The following CPN2 variants were observed in gnomAD, a reference collection of about 807,000 sequenced individuals.
The protein encoded by CPN2 is carboxypeptidase N subunit 2, also known as carboxypeptidase N 83 kDa chain.
For missense variants in CPN2, 620 were observed against 671.4 expected (o/e 0.92, Z 0.85); for synonymous variants, 336 against 318.4 (o/e 1.06, Z -0.59).
chr3:194,349,170 G>A (rs1020129970), intron 1 of CPN2, among the ~76,000 whole-genome samples: 3 of 152,152 alleles, frequency 2.0e-5, no homozygotes, highest in Non-Finnish European at 4.4e-5. Context: ...AGACCAGCCT[G>A]GCCAACATGA....
Position 194,342,183 on chromosome 3 carries a change from G to A in CPN2, c.520C>T (p.Leu174Phe). Reference sequence around the variant, plus strand: ...GCCAGGAGGTTCTGGGCCAGGTTGAGTGTCTTCAGATGGGTCAGAGGCTGG... The same window carrying A: ...GCCAGGAGGTTCTGGGCCAGGTTGAATGTCTTCAGATGGGTCAGAGGCTGG... ...LFQPLTHLKT[L>F]NLAQNLLAQL... Residue 174 changes from leucine (L) to phenylalanine (F), a missense_variant, in exon 2 of 2, where the codon CTC (leucine) becomes TTC (phenylalanine). Coordinates refer to ENST00000323830, the MANE Select transcript of CPN2 (RefSeq NM_001080513.4). The A allele has an allele frequency of 1.9e-6, 3 of 1,614,116 alleles. No homozygotes were observed. The highest frequency in any genetic ancestry group is 2.5e-6 in the Non-Finnish European group (3 of 1,179,984).
intron 1 of CPN2, among the ~76,000 whole-genome samples, chr3:194,344,449 C>A (rs1225144558): frequency 6.6e-6 from 1 of 152,226 alleles, no homozygotes; most frequent in Non-Finnish European, 1.5e-5. Flanking sequence ...GTAATCCCAG[C>A]ACTTTGAAAG....
chr3:194,343,154 C>T (rs1164589370), intron 1 of CPN2, among the ~76,000 whole-genome samples: 1 of 152,124 alleles, frequency 6.6e-6, no homozygotes, highest in Middle Eastern at 3.2e-3. Flanking sequence ...TGCTGAAATG[C>T]CCTCCTCCTG....
chr3:194,342,908 G>T (rs1712916151), intron 1 of CPN2, among the ~76,000 whole-genome samples: 2 of 152,146 alleles, frequency 1.3e-5, no homozygotes, highest in South Asian at 2.1e-4. Flanking sequence ...GAGACAAAAA[G>T]GCATGGAAGA....
Position 194,341,544 on chromosome 3 carries a change from G to T in CPN2, c.1159C>A (p.Leu387Met), listed in dbSNP as rs1383112823. The T allele has an allele frequency of 6.2e-7, 1 of 1,614,176 alleles. No homozygotes were observed. The highest frequency in any genetic ancestry group is 1.3e-5 in the African/African-American group (1 of 75,042). ...TTACCGTGCAGGGCCAGGTTGAACA[G>T]GTTGTAGTTGGTGTCGAAGATGCCC... ...PEGIFDTNYNLFNLALHGNPW... is the reference protein window; with the variant it reads ...PEGIFDTNYNMFNLALHGNPW... Residue 387 changes from leucine (L) to methionine (M), a missense_variant, in exon 2 of 2, where the codon CTG becomes ATG. Transcript: ENST00000323830.
intron 1 of CPN2, among the ~76,000 whole-genome samples, chr3:194,347,441 C>T (rs1032051590): frequency 2.0e-5 from 3 of 152,144 alleles, no homozygotes; most frequent in African/African-American, 4.8e-5. Context: ...GCCTCACCAA[C>T]GGGCCTGGAT....
At position 194,342,066 on chromosome 3, in the gene CPN2, A is replaced by G; in HGVS notation, c.637T>C (p.Phe213Leu). The part of the protein sequence containing the change: ...NALSGLPQGV[F>L]GKLGSLQELF... ...TCCTGCAGGCTGCCCAGTTTGCCAA[A>G]CACACCCTGGGGGAGACCAGAGAGC... The change falls in exon 2 of 2, where the codon TTT becomes CTT. Residue 213 changes from phenylalanine to leucine, a missense_variant. Transcript: ENST00000323830. 1 of 1,614,144 alleles carries G rather than the reference A, an allele frequency of 6.2e-7. No individual in the cohort carries two copies. Among genetic ancestry groups the G allele is most frequent in the Non-Finnish European group, 8.5e-7 (1 of 1,180,014 alleles).
intron 1 of CPN2, among the ~76,000 whole-genome samples, chr3:194,346,282 G>T (rs1411597947): frequency 6.6e-6 from 1 of 152,226 alleles, no homozygotes; most frequent in Admixed American, 6.5e-5. Flanking sequence ...GGGGTCCTGG[G>T]TACCCAGAGC....
At position 194,342,411 on chromosome 3, in the gene CPN2, T is replaced by C; in HGVS notation, c.292A>G (p.Arg98Gly). The part of the protein sequence containing the change: ...FRPDAFGGLP[R>G]LEDLEVTGSS... Reference sequence around the variant, plus strand: ...CCTGTGACCTCCAGGTCCTCCAGCCTGGGCAGCCCCCCGAAGGCATCCGGC... The same window carrying C: ...CCTGTGACCTCCAGGTCCTCCAGCCCGGGCAGCCCCCCGAAGGCATCCGGC... Residue 98 changes from arginine to glycine, a missense_variant, in exon 2 of 2, where the codon AGG (arginine) becomes GGG (glycine). By Grantham distance (125) the Arg-to-Gly change is moderately radical. Transcript: ENST00000323830. The C allele has an allele frequency of 6.2e-7, 1 of 1,614,226 alleles. No homozygotes were observed. Among genetic ancestry groups the C allele is most frequent in the South Asian group, 1.1e-5 (1 of 91,088 alleles).
intron 1 of CPN2, among the ~76,000 whole-genome samples, chr3:194,345,800 G>A (rs1713021290): frequency 6.6e-6 from 1 of 152,224 alleles, no homozygotes; most frequent in Non-Finnish European, 1.5e-5. Flanking sequence ...GAGCCCACTG[G>A]GGTGAGGATA....
chr3:194,343,366 A>G (rs1175101056), intron 1 of CPN2, among the ~76,000 whole-genome samples: 1 of 152,246 alleles, frequency 6.6e-6, no homozygotes, highest in African/African-American at 2.4e-5. Context: ...ACAGGTCACA[A>G]ATTGGTGATG....
rs576192141 is a variant in CPN2 at position 194,342,345 on chromosome 3, G to A, written c.358C>T (p.Leu120=). The A allele has an allele frequency of 1.2e-6, 2 of 1,614,140 alleles. No homozygotes were observed. The highest frequency in any genetic ancestry group is 2.7e-5 in the African/African-American group (2 of 75,056). The stretch of plus-strand genomic sequence containing the variant: ...AGGGTGAGCTTGCCCAGCGAGGTCA[G>A]GTTGGAGAAGATGTTGGTGCTGAGG... ...LNLSTNIFSN[L]TSLGKLTLNF... Residue 120 remains leucine (L), a synonymous_variant, in exon 2 of 2, where the codon CTG becomes TTG. Transcript: ENST00000323830.
chr3:194,342,484 G>A lies in CPN2; in HGVS notation c.219C>T (p.Pro73=). The change falls in exon 2 of 2, where the codon CCC becomes CCT. Residue 73 remains proline (P), a synonymous_variant. Transcript: ENST00000323830. The part of the protein sequence containing the change: ...TLETRAFGSN[P]NLTKVVFLNT... Reference sequence around the variant, plus strand: ...TGAGGAAGACCACCTTGGTCAAGTTGGGGTTACTGCCAAAAGCTCTGGTTT... The same window carrying A: ...TGAGGAAGACCACCTTGGTCAAGTTAGGGTTACTGCCAAAAGCTCTGGTTT... The A allele has an allele frequency of 6.2e-7, 1 of 1,614,222 alleles. No individual in the cohort carries two copies. The highest frequency in any genetic ancestry group is 8.5e-7 in the Non-Finnish European group (1 of 1,180,032).
chr3:194,350,963 A>T (rs1273819003), intron 1 of CPN2, among the ~76,000 whole-genome samples: 1 of 152,218 alleles, frequency 6.6e-6, no homozygotes, highest in Admixed American at 6.5e-5. Context: ...CAACCTGGAC[A>T]TCTGGTCACC....
At position 194,342,323 on chromosome 3, in the gene CPN2, G is replaced by A. The variant is rs1244081965; in HGVS notation, c.380C>T (p.Thr127Ile). ...AGCCTCCAGCATGTTGAAGTTGAGGGTGAGCTTGCCCAGCGAGGTCAGGTT... is the reference window on the plus strand; with the variant it reads ...AGCCTCCAGCATGTTGAAGTTGAGGATGAGCTTGCCCAGCGAGGTCAGGTT... ...FSNLTSLGKL[T>I]LNFNMLEALP... is the part of the protein sequence containing the mutation. Residue 127 changes from threonine (T) to isoleucine (I), a missense_variant, in exon 2 of 2, where the codon ACC becomes ATC. Transcript: ENST00000323830. The A allele has an allele frequency of 1.9e-6, 3 of 1,613,936 alleles. No individual in the cohort carries two copies. The highest frequency in any genetic ancestry group is 2.7e-5 in the African/African-American group (2 of 74,904).
At position 194,341,331 on chromosome 3, in the gene CPN2, A is replaced by G. The variant is rs1712807908; in HGVS notation, c.1372T>C (p.Trp458Arg). The G allele has an allele frequency of 1.9e-6, 3 of 1,613,854 alleles. No individual in the cohort carries two copies. The highest frequency in any genetic ancestry group is 2.7e-5 in the African/African-American group (2 of 75,064). Residue 458 changes from tryptophan (W) to arginine (R), a missense_variant, in exon 2 of 2, where the codon TGG becomes CGG. Trp to Arg is a moderately radical substitution (Grantham distance 101). Coordinates refer to ENST00000323830, the MANE Select transcript of CPN2 (RefSeq NM_001080513.4). ...CCCCCTGCCTTGCTTTCGTCCGGCC[A>G]CGTGACCTGGAAGCCCAAGTGGTCC... ...TRDHLGFQVT[W>R]PDESKAGGSW...
intron 1 of CPN2, among the ~76,000 whole-genome samples, chr3:194,343,676 C>T (rs369631039): frequency 1.3e-5 from 2 of 152,212 alleles, no homozygotes; most frequent in East Asian, 3.9e-4. Context: ...AGCTACGTGA[C>T]CTTGGGCTTA....
chr3:194,345,637 C>T (rs540262326), intron 1 of CPN2, among the ~76,000 whole-genome samples: 2 of 152,364 alleles, frequency 1.3e-5, no homozygotes, highest in East Asian at 3.9e-4. Flanking sequence ...CCTGTGGGTC[C>T]CGAGACCAGC....
intron 1 of CPN2, among the ~76,000 whole-genome samples, chr3:194,347,181 T>C (rs1713074330): frequency 6.7e-6 from 1 of 149,708 alleles, no homozygotes; most frequent in South Asian, 2.1e-4. Flanking sequence ...GCCAAGGAAG[T>C]CTGGCTTTTT....
Sources: gnomAD v4.1 joint callset for allele counts (sites outside exome capture counted in the v4.1 genomes callset) on GRCh38, gnomAD v4.1.1 for gene constraint, MANE v1.5 for transcripts, NCBI Gene and HGNC (gene_info 2026-07-23, HGNC 2026-07-21) for gene names.